Variants in AGBL1 observed in about 807,000 individuals in gnomAD.
The protein encoded by AGBL1 is AGBL carboxypeptidase 1, also known as cytosolic carboxypeptidase 4.
In AGBL1, 130 loss-of-function variants were observed where a neutral mutation model predicts 118.9. The observed-to-expected ratio is 1.09, with a 90% CI of 0.95 to 1.26. The LOEUF is 1.26. Among genes scored for constraint, AGBL1 ranks in the 50% most tolerant of loss-of-function variants. The pLI is 0.00. For missense variants in AGBL1, 1,584 were observed against 1,298.1 expected (o/e 1.22, Z -3.38); for synonymous variants, 555 against 478.9 (o/e 1.16, Z -2.08).
intron 3 of AGBL1, among the ~76,000 whole-genome samples, chr15:86,146,674 C>T (rs1187025024): frequency 2.0e-5 from 3 of 152,194 alleles, no homozygotes; most frequent in Non-Finnish European, 2.9e-5. Context: ...GTAGTGATTA[C>T]ATCACCACAG....
chr15:86,828,687 G>T (rs756755584), intron 22 of AGBL1, among the ~76,000 whole-genome samples: 7 of 152,208 alleles, frequency 4.6e-5, no homozygotes, highest in Non-Finnish European at 8.8e-5. Context: ...AGTGAAATTA[G>T]TTACAGACAT....
intron 21 of AGBL1, among the ~76,000 whole-genome samples, chr15:86,661,879 G>C (rs2085546824): frequency 6.6e-6 from 1 of 152,124 alleles, no homozygotes; most frequent in South Asian, 2.1e-4. Flanking sequence ...GAATCATTTT[G>C]TGGACAATTT....
intron 22 of AGBL1, among the ~76,000 whole-genome samples, chr15:86,843,167 T>C (rs1340702532): frequency 6.6e-6 from 1 of 152,160 alleles, no homozygotes; most frequent in East Asian, 1.9e-4. Flanking sequence ...TTAAAGGTCA[T>C]GCATCTGCAT....
At position 86,294,466 on chromosome 15, in the gene AGBL1, AT is replaced by A. The variant is rs563471397; in HGVS notation, c.2221-778del. Among the ~76,000 whole-genome samples the A allele has an allele frequency of 2.3e-3, 318 of 140,190 alleles. 1 individual carries two copies. Among genetic ancestry groups the A allele is most frequent in the Admixed American group, 2.2e-3 (31 of 13,822 alleles). 92.0% of individuals were successfully genotyped at this position (140,190 alleles called of 152,430 possible). Reference sequence around the variant, plus strand: ...GTGTCCTAATTTCAATGGCTATTTCATTTTTTTTTTTAAATGAGTATTGGGG... The same window carrying A: ...GTGTCCTAATTTCAATGGCTATTTCATTTTTTTTTTAAATGAGTATTGGGG... On this transcript the variant is annotated intron_variant, in intron 16 of 22. Transcript: ENST00000614907.
intron 22 of AGBL1, among the ~76,000 whole-genome samples, chr15:86,683,291 A>G (rs1478154480): frequency 2.6e-5 from 4 of 152,174 alleles, no homozygotes; most frequent in Non-Finnish European, 5.9e-5. Flanking sequence ...TTGGACCATA[A>G]ATATCCCTTG....
chr15:86,554,480 GT>G lies in AGBL1; in HGVS notation c.2938del (p.Ser980ProfsTer61). Reference sequence around the variant, plus strand: ...TGGTGGTGTGGAGAGAGATGGGGGTGTCCAGAAGCTACACCATGGAAAGCAG... The same window carrying G: ...TGGTGGTGTGGAGAGAGATGGGGGTGCCAGAAGCTACACCATGGAAAGCAG... The part of the protein sequence containing the change: ...RVVVWREMGV[S>X]RSYTMESSYC... On this transcript the variant is annotated frameshift_variant, in exon 21 of 23. Coordinates refer to ENST00000614907, the MANE Select transcript of AGBL1 (RefSeq NM_001386094.1). LOFTEE classifies it high-confidence loss of function. The G allele has an allele frequency of 1.3e-6, 2 of 1,584,194 alleles. No homozygotes were observed. The highest frequency in any genetic ancestry group is 1.7e-6 in the Non-Finnish European group (2 of 1,166,010).
chr15:86,845,857 T>C (rs1596544910), intron 22 of AGBL1, among the ~76,000 whole-genome samples: 1 of 152,306 alleles, frequency 6.6e-6, no homozygotes, highest in Admixed American at 6.5e-5. Context: ...CTCTCAATCC[T>C]CTCTCATAAA....
At chr15:86,735,236 C>T (rs4887503) in intron 22 of AGBL1, among the ~76,000 whole-genome samples, 29,698 of 151,778 alleles carry the variant, frequency 0.2, 3,394 homozygotes, top group African/African-American at 0.32. Context: ...CACCCGACAC[C>T]GTGCCCAGCT....
intron 18 of AGBL1, among the ~76,000 whole-genome samples, chr15:86,480,073 C>T (rs2082629640): frequency 6.6e-6 from 1 of 151,438 alleles, no homozygotes; most frequent in East Asian, 2.0e-4. Flanking sequence ...ACATCACACA[C>T]TGGGGCCTGT....
downstream of AGBL1, among the ~76,000 whole-genome samples, chr15:86,918,544 TA>T (rs66578121): frequency 8.1e-5 from 12 of 147,442 alleles, no homozygotes; most frequent in East Asian, 6.0e-4. Context: ...TCTCAAAAAA[TA>T]AAAAAAAAAA....
chr15:86,784,543 C>T (rs920050327), intron 22 of AGBL1, among the ~76,000 whole-genome samples: 2 of 152,114 alleles, frequency 1.3e-5, no homozygotes, highest in Admixed American at 6.5e-5. Context: ...ATTCTGCTTT[C>T]TAGGGAGTAC....
At chr15:86,295,118 A>G (rs2079612523) in intron 16 of AGBL1, 137 bp from the exon 17 acceptor site, 2 of 986,174 alleles carry the variant, frequency 2.0e-6, no homozygotes, top group African/African-American at 1.7e-5. Context: ...CCTTTTAATC[A>G]CTCAAGGCCC....
chr15:86,786,228 G>T (rs1037535965), intron 22 of AGBL1, among the ~76,000 whole-genome samples: 15 of 151,960 alleles, frequency 9.9e-5, no homozygotes, highest in African/African-American at 3.6e-4. Flanking sequence ...TTAGCATTAG[G>T]TATATCTCCT....
At chr15:86,347,299 A>T (rs924235983) in intron 17 of AGBL1, among the ~76,000 whole-genome samples, 1 of 152,236 alleles carries the variant, frequency 6.6e-6, no homozygotes, top group East Asian at 1.9e-4. Flanking sequence ...GTTACTAGAA[A>T]GTCCCAGGTG....
chr15:86,282,895 T>G (rs1243299304), intron 16 of AGBL1, among the ~76,000 whole-genome samples: 2 of 152,214 alleles, frequency 1.3e-5, no homozygotes, highest in African/African-American at 4.8e-5. Context: ...TACAGACATT[T>G]TTATAGCATA....
chr15:86,651,986 C>T lies in AGBL1; in HGVS notation c.2995-22287C>T, dbSNP rs919391890. 8.5e-5 allele frequency among the ~76,000 whole-genome samples: 13 copies of T among 152,122 alleles called. 1 individual carries two copies. Among genetic ancestry groups the T allele is most frequent in the African/African-American group, 3.1e-4 (13 of 41,442 alleles). On this transcript the variant is annotated intron_variant, in intron 21 of 22. Coordinates refer to ENST00000614907, the MANE Select transcript of AGBL1 (RefSeq NM_001386094.1). ...GTCTGGGGAGTTTTTGCTTGTTTTT[C>T]TACAGTCCAACTGGACTCTACTGGA... is the stretch of plus-strand genomic sequence containing the variant.
chr15:86,691,013 G>C (rs1270314980), intron 22 of AGBL1, among the ~76,000 whole-genome samples: 1 of 151,884 alleles, frequency 6.6e-6, no homozygotes. Context: ...ATTGTAAGAG[G>C]AACAAAAGAT....
intron 18 of AGBL1, among the ~76,000 whole-genome samples, chr15:86,489,521 C>A (rs965284156): frequency 1.3e-5 from 2 of 152,040 alleles, no homozygotes; most frequent in African/African-American, 4.8e-5. Flanking sequence ...CCAGAAGGAG[C>A]AATGGCATAG....
chr15:86,670,703 T>C (rs11633736), intron 21 of AGBL1, among the ~76,000 whole-genome samples: 40,186 of 149,182 alleles, frequency 0.27, 6,333 homozygotes, highest in East Asian at 0.62. Context: ...ATATATTACA[T>C]ATATGTAATA....
Sources: gnomAD v4.1 joint callset for allele counts (sites outside exome capture counted in the v4.1 genomes callset) on GRCh38, gnomAD v4.1.1 for gene constraint, MANE v1.5 for transcripts, NCBI Gene and HGNC (gene_info 2026-07-23, HGNC 2026-07-21) for gene names.